The following ITPK1 variants were observed in gnomAD, a reference collection of about 807,000 sequenced individuals.
ITPK1 encodes inositol 1,3,4-trisphosphate 5/6-kinase.
ITPK1 carries 21 observed loss-of-function variants against 45.3 expected under a neutral mutation model. The ratio of observed to expected loss-of-function variants is 0.46; its 90% CI spans 0.33 to 0.67. ITPK1 has a LOEUF of 0.67. Among genes scored for constraint, ITPK1 ranks in the 30% least tolerant of loss-of-function variants. The probability of loss-of-function intolerance (pLI) is 0.02; values close to 1 mark genes in which losing one functional copy is unlikely to be tolerated. For synonymous variants in ITPK1, 258 were observed against 253.6 expected, an observed-to-expected ratio of 1.02 and a Z score of -0.16; for missense variants, 474 against 573.5, an observed-to-expected ratio of 0.83 and a Z score of 1.77.
At chr14:93,057,288 C>T (rs777544417) in intron 3 of ITPK1, among the ~76,000 whole-genome samples, 4 of 152,178 alleles carry the variant, frequency 2.6e-5, no homozygotes, top group East Asian at 3.9e-4. Flanking sequence ...TGCACCCAGG[C>T]GAGGTCCAAC....
chr14:93,081,789 G>A (rs1891444466), intron 2 of ITPK1, among the ~76,000 whole-genome samples: 1 of 152,200 alleles, frequency 6.6e-6, no homozygotes, highest in Admixed American at 6.5e-5. Context: ...GGGGGCGGGG[G>A]CTGAGACGCA....
chr14:93,109,189 A>T lies in ITPK1; in HGVS notation c.95+5880T>A, dbSNP rs141864142. 5.9e-3 allele frequency among the ~76,000 whole-genome samples: 899 copies of T among 152,336 alleles called. 12 individuals are homozygous for T. Among genetic ancestry groups the T allele is most frequent in the African/African-American group, 0.02 (849 of 41,568 alleles). On this transcript the variant is annotated intron_variant, in intron 2 of 10. Coordinates refer to ENST00000267615, the MANE Select transcript of ITPK1 (RefSeq NM_014216.6). ...CATCCTTTTAAGAACTGGACCACAC[A>T]GCTGTTTAAAAAAAAAGAGGTAATG...
intron 3 of ITPK1, among the ~76,000 whole-genome samples, chr14:93,022,348 C>T (rs1488267161): frequency 1.3e-5 from 2 of 152,096 alleles, no homozygotes; most frequent in Admixed American, 6.6e-5. Context: ...GGGGTGCTGG[C>T]TAATGCTGGG....
At chr14:92,988,941 T>C (rs570023290) in intron 5 of ITPK1, among the ~76,000 whole-genome samples, 6 of 152,216 alleles carry the variant, frequency 3.9e-5, no homozygotes, top group African/African-American at 1.4e-4. Flanking sequence ...GGCCACACAA[T>C]TGGCGGAGGG....
chr14:93,066,460 A>G, intron 3 of ITPK1: 1 of 323,500 alleles, frequency 3.1e-6, no homozygotes, highest in Non-Finnish European at 6.0e-6. Flanking sequence ...GCTAGAGTTC[A>G]GTGGCGCGAT....
intron 8 of ITPK1, among the ~76,000 whole-genome samples, chr14:92,954,805 C>A (rs1297082563): frequency 6.6e-6 from 1 of 152,134 alleles, no homozygotes; most frequent in Non-Finnish European, 1.5e-5. Context: ...AGATGGTGAC[C>A]CAAGTCATCT....
chr14:92,997,890 A>G (rs544590248), intron 4 of ITPK1, among the ~76,000 whole-genome samples: 7 of 152,344 alleles, frequency 4.6e-5, no homozygotes, highest in South Asian at 2.1e-4. Flanking sequence ...CCCCAAGCCC[A>G]TGGAATGATG....
intron 2 of ITPK1, among the ~76,000 whole-genome samples, chr14:93,089,577 TACCCC>T (rs985127476): frequency 6.6e-6 from 1 of 152,102 alleles, no homozygotes; most frequent in African/African-American, 2.4e-5. Context: ...TTAGGAGCCC[TACCCC>T]ACCTCTAAAG....
intron 9 of ITPK1, 111 bp from the exon 10 acceptor site, chr14:92,946,604 A>T: frequency 9.1e-7 from 1 of 1,099,626 alleles, no homozygotes; most frequent in Non-Finnish European, 1.3e-6. Flanking sequence ...GCTTCAGGCC[A>T]GGAAGCCAGA....
At chr14:93,024,125 G>A (rs758441990) in intron 3 of ITPK1, among the ~76,000 whole-genome samples, 3 of 151,158 alleles carry the variant, frequency 2.0e-5, no homozygotes, top group Non-Finnish European at 2.9e-5. Flanking sequence ...ACGTAACAAA[G>A]CCTGACCGCC....
chr14:93,033,193 C>G (rs951286922), intron 3 of ITPK1, among the ~76,000 whole-genome samples: 2 of 152,174 alleles, frequency 1.3e-5, no homozygotes, highest in African/African-American at 4.8e-5. Context: ...GAGAGTAGGA[C>G]CGAAGGTCAT....
chr14:93,015,194 A>C (rs1314314388), intron 4 of ITPK1, among the ~76,000 whole-genome samples: 1 of 152,218 alleles, frequency 6.6e-6, no homozygotes, highest in Non-Finnish European at 1.5e-5. Context: ...GCAGCGGCTC[A>C]CCTGAGAAAG....
chr14:93,009,006 T>G (rs1328606113), intron 4 of ITPK1, among the ~76,000 whole-genome samples: 1 of 152,062 alleles, frequency 6.6e-6, no homozygotes, highest in African/African-American at 2.4e-5. Context: ...CAAAATGCAG[T>G]GACGCTCGAC....
rs575591749 is a variant in ITPK1 at position 92,996,439 on chromosome 14, G to C, written c.247-2442C>G. Among the ~76,000 whole-genome samples, 205 of 139,600 alleles carry C rather than the reference G, an allele frequency of 1.5e-3. 3 individuals carry two copies. In the Middle Eastern group the frequency reaches 0.015, roughly 10 times the overall value. The allele number at this position is 139,600 out of a possible 152,430, so 91.6% of individuals were successfully genotyped here. A position where few individuals can be genotyped will look rare whatever the true frequency, so the allele number is the denominator to read the frequency against. The stretch of plus-strand genomic sequence containing the variant: ...CACACACCGGGGCCTGTCGCGGGGT[G>C]GGGGGAGGGGGAGGGATAGCACTGG... On this transcript the variant is annotated intron_variant, in intron 4 of 10. Transcript: ENST00000267615.
At chr14:92,965,488 CA>C (rs1305624971) in intron 5 of ITPK1, among the ~76,000 whole-genome samples, 1 of 152,108 alleles carries the variant, frequency 6.6e-6, no homozygotes, top group Non-Finnish European at 1.5e-5. Flanking sequence ...AGGTTCTAGC[CA>C]CGGCCATTAG....
At chr14:93,000,856 A>C (rs149699062) in intron 4 of ITPK1, among the ~76,000 whole-genome samples, 2,202 of 152,072 alleles carry the variant, frequency 0.014, 53 homozygotes, top group African/African-American at 0.05. Flanking sequence ...CTGTAATCCC[A>C]GCTACTCAGG....
intron 7 of ITPK1, among the ~76,000 whole-genome samples, chr14:92,960,044 G>A (rs1884977976): frequency 6.6e-6 from 1 of 152,230 alleles, no homozygotes; most frequent in African/African-American, 2.4e-5. Flanking sequence ...CTGCCGATCT[G>A]GTGGACAGTG....
chr14:93,093,436 C>T (rs1891943329), intron 2 of ITPK1, among the ~76,000 whole-genome samples: 1 of 152,224 alleles, frequency 6.6e-6, no homozygotes, highest in South Asian at 2.1e-4. Flanking sequence ...CCGACATCAT[C>T]TCCTCTTCCC....
chr14:93,110,095 G>C (rs1055612877), intron 2 of ITPK1, among the ~76,000 whole-genome samples: 1 of 152,186 alleles, frequency 6.6e-6, no homozygotes, highest in Non-Finnish European at 1.5e-5. Context: ...GGTAGGGAAT[G>C]TGTCGAGGGT....
Sources: gnomAD v4.1 joint callset for allele counts (sites outside exome capture counted in the v4.1 genomes callset) on GRCh38, gnomAD v4.1.1 for gene constraint, MANE v1.5 for transcripts, NCBI Gene and HGNC (gene_info 2026-07-23, HGNC 2026-07-21) for gene names.